Variants in GPR176 observed in about 807,000 individuals in gnomAD.
GPR176 encodes G protein-coupled receptor 176.
GPR176 carries 26 observed loss-of-function variants against 35.4 expected under a neutral mutation model. The observed-to-expected ratio is 0.74, with a 90% CI of 0.54 to 1.02. The LOEUF (loss-of-function observed/expected upper bound fraction) is 1.02. Ranked by LOEUF, GPR176 falls within the 50% of genes least tolerant of loss-of-function variation. GPR176 has a pLI of 0.00. For synonymous variants in GPR176, 278 were observed against 271.3 expected (o/e 1.02, Z -0.24); for missense variants, 597 against 665.3 (o/e 0.90, Z 1.13).
At chr15:39,894,137 A>AC (rs1157001890) in intron 1 of GPR176, among the ~76,000 whole-genome samples, 3 of 75,518 alleles carry the variant, frequency 4.0e-5, no homozygotes, top group East Asian at 3.9e-4. Flanking sequence ...GCGGGGGCTG[A>AC]CCCCCCCACC....
chr15:39,918,601 T>G (rs971546901), intron 1 of GPR176, among the ~76,000 whole-genome samples: 1 of 152,160 alleles, frequency 6.6e-6, no homozygotes, highest in African/African-American at 2.4e-5. Flanking sequence ...TAAAGTATTT[T>G]GAACATAGGC....
In GPR176 at chr15:39,829,511, A is replaced by G. The variant is rs377527585; in HGVS notation, c.173-22253T>C. ...AAGGACTTGAGACCATTAGTTGCTT[A>G]ACAGACTATGGTTTAAAATTAAAGT... is the stretch of plus-strand genomic sequence containing the variant. On this transcript the variant is annotated intron_variant, in intron 1 of 2. Coordinates refer to ENST00000561100, the MANE Select transcript of GPR176 (RefSeq NM_007223.3). Among the ~76,000 whole-genome samples, 5 of 152,326 alleles carry G rather than the reference A, an allele frequency of 3.3e-5. 1 individual carries two copies. The highest frequency in any genetic ancestry group is 1.9e-4 in the East Asian group (1 of 5,186).
intron 1 of GPR176, among the ~76,000 whole-genome samples, chr15:39,897,236 TTCTCTTTTGCA>T (rs958110797): frequency 6.6e-6 from 1 of 152,220 alleles, no homozygotes; most frequent in Non-Finnish European, 1.5e-5. Flanking sequence ...GCAATTCTGA[TTCTCTTTTGCA>T]TGCCTTTCTC....
chr15:39,872,911 CTGTG>C (rs6145533), intron 1 of GPR176, among the ~76,000 whole-genome samples: 7,398 of 140,902 alleles, frequency 0.053, 185 homozygotes, highest in Non-Finnish European at 0.068. Flanking sequence ...TCCAAAATAT[CTGTG>C]TGTGTGTGTG....
At chr15:39,850,991 T>C (rs1331613801) in intron 1 of GPR176, among the ~76,000 whole-genome samples, 2 of 151,994 alleles carry the variant, frequency 1.3e-5, no homozygotes, top group Non-Finnish European at 1.5e-5. Context: ...ACGGGACATA[T>C]AGTGAGGCAG....
At chr15:39,897,327 TC>T (rs1298451523) in intron 1 of GPR176, among the ~76,000 whole-genome samples, 3 of 152,216 alleles carry the variant, frequency 2.0e-5, no homozygotes, top group African/African-American at 7.2e-5. Context: ...AAAAAACTGT[TC>T]CTGAAAGCAA....
chr15:39,848,577 TA>T (rs1199096673), intron 1 of GPR176, among the ~76,000 whole-genome samples: 1 of 152,156 alleles, frequency 6.6e-6, no homozygotes, highest in Non-Finnish European at 1.5e-5. Flanking sequence ...AAAATAGCCC[TA>T]ATACATTTTT....
At chr15:39,849,374 A>G (rs548454668) in intron 1 of GPR176, among the ~76,000 whole-genome samples, 196 of 152,280 alleles carry the variant, frequency 1.3e-3, no homozygotes, top group African/African-American at 4.4e-3. Context: ...AAGAAGAATT[A>G]ACACCAATTC....
chr15:39,810,077 G>A (rs544407711), intron 1 of GPR176, among the ~76,000 whole-genome samples: 103 of 151,650 alleles, frequency 6.8e-4, no homozygotes, highest in Non-Finnish European at 1.2e-3. Context: ...CCCAGGAGGC[G>A]GAGCTTGCAG....
At chr15:39,843,952 C>T (rs1395342530) in intron 1 of GPR176, among the ~76,000 whole-genome samples, 1 of 152,118 alleles carries the variant, frequency 6.6e-6, no homozygotes, top group East Asian at 1.9e-4. Context: ...TTGTCACTTT[C>T]CACCCAAGTT....
At chr15:39,811,937 A>AT (rs1899597271) in intron 1 of GPR176, among the ~76,000 whole-genome samples, 1 of 151,620 alleles carries the variant, frequency 6.6e-6, no homozygotes, top group African/African-American at 2.4e-5. Flanking sequence ...AAAAAATCAG[A>AT]TTTTGGAGCA....
intron 1 of GPR176, among the ~76,000 whole-genome samples, chr15:39,828,387 G>T (rs940176165): frequency 6.6e-6 from 1 of 152,226 alleles, no homozygotes; most frequent in Non-Finnish European, 1.5e-5. Context: ...AAGACACTGC[G>T]TGGAGGGGCT....
intron 1 of GPR176, among the ~76,000 whole-genome samples, chr15:39,871,538 T>TA (rs1398247067): frequency 1.3e-5 from 2 of 152,206 alleles, no homozygotes; most frequent in Non-Finnish European, 2.9e-5. Context: ...CAGGATTCAC[T>TA]GCCTTTAACA....
intron 1 of GPR176, among the ~76,000 whole-genome samples, chr15:39,834,997 A>G (rs896196867): frequency 4.6e-5 from 7 of 152,144 alleles, no homozygotes; most frequent in Non-Finnish European, 4.4e-5. Flanking sequence ...ACTATTACAC[A>G]TTGTATGCCT....
chr15:39,889,265 T>C (rs969920677), intron 1 of GPR176, among the ~76,000 whole-genome samples: 5 of 152,176 alleles, frequency 3.3e-5, no homozygotes, highest in African/African-American at 1.2e-4. Context: ...ATTAAAGTAT[T>C]GGCCGGCCAC....
intron 1 of GPR176, among the ~76,000 whole-genome samples, chr15:39,913,922 T>C (rs2033650746): frequency 6.6e-6 from 1 of 152,140 alleles, no homozygotes; most frequent in Admixed American, 6.5e-5. Context: ...GGTGGGTGCC[T>C]GTAGTCCCAG....
At position 39,853,140 on chromosome 15, in the gene GPR176, T is replaced by C. The variant is rs1233219532; in HGVS notation, c.173-45882A>G. 7.2e-5 allele frequency among the ~76,000 whole-genome samples: 11 copies of C among 152,174 alleles called. No individual in the cohort carries two copies. In the East Asian group the frequency reaches 1.9e-3, roughly 27 times the overall value. The stretch of plus-strand genomic sequence containing the variant: ...CTCATGGTCATTGCAGCATTGTTCA[T>C]AATAGCCAAGAGGTGGAAGCAACCT... On this transcript the variant is annotated intron_variant, in intron 1 of 2. Coordinates refer to ENST00000561100, the MANE Select transcript of GPR176 (RefSeq NM_007223.3).
At chr15:39,906,929 G>C (rs1245809444) in intron 1 of GPR176, among the ~76,000 whole-genome samples, 1 of 152,188 alleles carries the variant, frequency 6.6e-6, no homozygotes, top group Non-Finnish European at 1.5e-5. Flanking sequence ...ATGAAATAAA[G>C]TCCCAGTTCT....
chr15:39,870,642 C>T (rs146988419), intron 1 of GPR176, among the ~76,000 whole-genome samples: 1 of 152,084 alleles, frequency 6.6e-6, no homozygotes, highest in Non-Finnish European at 1.5e-5. Context: ...GGTCTACATA[C>T]CCTGTATAAT....
Sources: allele counts gnomAD v4.1 joint callset (sites outside exome capture counted in the v4.1 genomes callset), GRCh38; gene constraint gnomAD v4.1.1; transcripts MANE v1.5; gene names NCBI Gene and HGNC (gene_info 2026-07-23, HGNC 2026-07-21).